The following RABGAP1L variants were observed in gnomAD, a reference collection of about 807,000 sequenced individuals.
RABGAP1L encodes the protein rab GTPase-activating protein 1-like.
In RABGAP1L, 63 loss-of-function variants were observed where a neutral mutation model predicts 137.7. The observed-to-expected ratio is 0.46, with a 90% CI of 0.37 to 0.56. The LOEUF is 0.56. RABGAP1L is among the 20% of genes least tolerant of loss of function. The pLI is 0.00. For missense variants in RABGAP1L, 1,095 were observed against 1,244.0 expected (o/e 0.88, Z 1.80); for synonymous variants, 431 against 433.7 (o/e 0.99, Z 0.08).
intron 13 of RABGAP1L, among the ~76,000 whole-genome samples, chr1:174,523,344 C>G (rs1663591142): frequency 6.6e-6 from 1 of 151,110 alleles, no homozygotes; most frequent in Non-Finnish European, 1.5e-5. Flanking sequence ...CAGCATTTGA[C>G]TTTTTTTTAG....
chr1:174,255,429 C>T (rs1673039310), intron 7 of RABGAP1L, among the ~76,000 whole-genome samples: 1 of 152,144 alleles, frequency 6.6e-6, no homozygotes. Context: ...AGAGAGAAGA[C>T]CTGTATACTC....
chr1:174,770,669 T>C (rs2148727790), intron 18 of RABGAP1L, among the ~76,000 whole-genome samples: 1 of 152,338 alleles, frequency 6.6e-6, no homozygotes, highest in African/African-American at 2.4e-5. Context: ...CATTTAAGCT[T>C]CCATCCCTTT....
At chr1:174,184,335 T>C (rs1050214474) in intron 1 of RABGAP1L, among the ~76,000 whole-genome samples, 3 of 152,206 alleles carry the variant, frequency 2.0e-5, no homozygotes, top group African/African-American at 7.2e-5. Context: ...TTGACAGTTA[T>C]GAATAAAGCT....
At chr1:174,699,794 TCTAC>T in intron 16 of RABGAP1L, 144 bp downstream of exon 16, 28 of 726,960 alleles carry the variant, frequency 3.9e-5, no homozygotes, top group Non-Finnish European at 5.4e-5. Flanking sequence ...CAGACCAATA[TCTAC>T]ATTGGTCTAT....
At chr1:174,609,907 T>C (rs1478723296) in intron 13 of RABGAP1L, among the ~76,000 whole-genome samples, 1 of 152,056 alleles carries the variant, frequency 6.6e-6, no homozygotes, top group African/African-American at 2.4e-5. Context: ...ATGAATCAAA[T>C]AATAGTAGGA....
In RABGAP1L at chr1:174,285,080, G is replaced by C. The variant is rs550191140; in HGVS notation, c.1323+6301G>C. ...TGCCCAGGCTGGAGTGCAGTGGTATGATCTTGGCTCACTGCAACCTCTGCC... is the reference window on the plus strand; with the variant it reads ...TGCCCAGGCTGGAGTGCAGTGGTATCATCTTGGCTCACTGCAACCTCTGCC... On this transcript the variant is annotated intron_variant, in intron 10 of 25. Transcript: ENST00000681986. 1.5e-3 allele frequency among the ~76,000 whole-genome samples: 221 copies of C among 152,132 alleles called. 2 individuals are homozygous for C. Among genetic ancestry groups the C allele is most frequent in the African/African-American group, 5.0e-3 (207 of 41,502 alleles).
Position 174,562,942 on chromosome 1 carries a change from G to A in RABGAP1L, c.1711-74433G>A, listed in dbSNP as rs563505194. Among the ~76,000 whole-genome samples the A allele has an allele frequency of 7.8e-4, 119 of 152,086 alleles. 1 individual carries two copies. The highest frequency in any genetic ancestry group is 2.7e-3 in the African/African-American group (111 of 41,494). On this transcript the variant is annotated intron_variant, in intron 13 of 25. Coordinates refer to ENST00000681986, the MANE Select transcript of RABGAP1L (RefSeq NM_001366446.1). ...TGGGTGCAGCAAACCACTATGGCACGTGTATACCTATGTAACAAAACTGCA... is the reference window on the plus strand; with the variant it reads ...TGGGTGCAGCAAACCACTATGGCACATGTATACCTATGTAACAAAACTGCA...
chr1:174,490,253 G>T (rs949888963), intron 13 of RABGAP1L, among the ~76,000 whole-genome samples: 3 of 152,158 alleles, frequency 2.0e-5, no homozygotes, highest in African/African-American at 7.2e-5. Flanking sequence ...GAATTCTCAA[G>T]TACTTGGGTG....
chr1:174,416,019 C>CATACATATATATATAT (rs1192968896), intron 13 of RABGAP1L, among the ~76,000 whole-genome samples: 2 of 129,048 alleles, frequency 1.5e-5, no homozygotes, highest in African/African-American at 7.3e-5. Context: ...AGAAAATTTA[C>CATACATATATATATAT]ATATATATAT....
chr1:174,487,345 T>C (rs1159709776), intron 13 of RABGAP1L, among the ~76,000 whole-genome samples: 2 of 152,176 alleles, frequency 1.3e-5, no homozygotes, highest in Non-Finnish European at 2.9e-5. Flanking sequence ...TGTTATATCC[T>C]TTTGCAGAAC....
chr1:174,561,219 A>G (rs571589887), intron 13 of RABGAP1L, among the ~76,000 whole-genome samples: 1 of 152,324 alleles, frequency 6.6e-6, no homozygotes, highest in East Asian at 1.9e-4. Context: ...CCTATGCACC[A>G]AAAACAGAGA....
intron 19 of RABGAP1L, among the ~76,000 whole-genome samples, chr1:174,946,913 A>ATATATATAT (rs1386058220): frequency 1.9e-5 from 1 of 51,624 alleles, no homozygotes; most frequent in Admixed American, 2.1e-4. Context: ...AAAAAAAAAA[A>ATATATATAT]AAAAATATAT....
chr1:174,556,906 G>A (rs568640091), intron 13 of RABGAP1L, among the ~76,000 whole-genome samples: 2 of 152,288 alleles, frequency 1.3e-5, no homozygotes, highest in East Asian at 3.9e-4. Flanking sequence ...TCCCAAAATT[G>A]AGCATGTCAC....
At chr1:174,223,264 T>TAAAAAAAAAAA (rs550034492) in intron 3 of RABGAP1L, among the ~76,000 whole-genome samples, 27 of 39,890 alleles carry the variant, frequency 6.8e-4, no homozygotes, top group African/African-American at 1.4e-3. Flanking sequence ...AGACTCTGTC[T>TAAAAAAAAAAA]AAAAAAAAAA....
intron 11 of RABGAP1L, among the ~76,000 whole-genome samples, chr1:174,359,294 T>C (rs2148957583): frequency 6.6e-6 from 1 of 152,220 alleles, no homozygotes; most frequent in East Asian, 1.9e-4. Flanking sequence ...TAGAAACTTG[T>C]CTTATCTGCT....
chr1:174,643,019 G>A (rs999895282), intron 14 of RABGAP1L, among the ~76,000 whole-genome samples: 2 of 151,924 alleles, frequency 1.3e-5, no homozygotes, highest in African/African-American at 2.4e-5. Flanking sequence ...CCCTGAATTC[G>A]GACAATTCGC....
rs1028887015 is a variant in RABGAP1L at position 174,761,346 on chromosome 1, G to A, written c.2211+8992G>A. ...ATGGTTGCACAGCAGTCCGGCAGAG[G>A]CGCTCCTCACTTGCCAGACAGTGCG... On this transcript the variant is annotated intron_variant, in intron 18 of 25. Coordinates refer to ENST00000681986, the MANE Select transcript of RABGAP1L (RefSeq NM_001366446.1). This position sits in a 1 kb window ranked among gnomAD's most constrained non-coding sequence, Gnocchi z 4.0. 3.3e-5 allele frequency among the ~76,000 whole-genome samples: 5 copies of A among 152,250 alleles called. 1 individual carries two copies. Among genetic ancestry groups the A allele is most frequent in the South Asian group, 4.1e-4 (2 of 4,834 alleles).
chr1:174,557,758 A>T (rs776016940), intron 13 of RABGAP1L, among the ~76,000 whole-genome samples: 3 of 152,234 alleles, frequency 2.0e-5, no homozygotes, highest in African/African-American at 7.2e-5. Flanking sequence ...ATACAGACTC[A>T]TTCTTAGGAG....
intron 13 of RABGAP1L, among the ~76,000 whole-genome samples, chr1:174,625,366 G>A (rs900855573): frequency 2.6e-5 from 4 of 152,148 alleles, no homozygotes; most frequent in Non-Finnish European, 4.4e-5. Flanking sequence ...ATACATGAAT[G>A]AGTTTGTACT....
Sources: gnomAD v4.1 joint callset for allele counts (sites outside exome capture counted in the v4.1 genomes callset) on GRCh38, gnomAD v4.1.1 for gene constraint, Gnocchi (gnomAD v3.1) non-coding constraint, MANE v1.5 for transcripts, NCBI Gene and HGNC (gene_info 2026-07-23, HGNC 2026-07-21) for gene names.